The following ADAM19 variants were observed in gnomAD, a reference collection of about 807,000 sequenced individuals.
The protein encoded by ADAM19 is ADAM metallopeptidase domain 19.
A neutral mutation model predicts 114.7 loss-of-function variants in ADAM19; 65 were observed. The observed-to-expected ratio is 0.57, with a 90% CI of 0.46 to 0.70. ADAM19 has a LOEUF of 0.70. Ranked by LOEUF, ADAM19 falls within the 30% of genes least tolerant of loss-of-function variation. The pLI is 0.00. For synonymous variants in ADAM19, 466 were observed against 460.5 expected, an observed-to-expected ratio of 1.01 and a Z score of -0.15; for missense variants, 1,063 against 1,204.7, an observed-to-expected ratio of 0.88 and a Z score of 1.74.
At chr5:157,549,578 G>A (rs1460702675) in intron 3 of ADAM19, among the ~76,000 whole-genome samples, 1 of 152,128 alleles carries the variant, frequency 6.6e-6, no homozygotes, top group East Asian at 1.9e-4. Context: ...ATTAGGGAAG[G>A]CTCCCCTCTT....
chr5:157,511,760 C>T (rs745463741), intron 8 of ADAM19, among the ~76,000 whole-genome samples: 3 of 152,188 alleles, frequency 2.0e-5, no homozygotes, highest in Non-Finnish European at 4.4e-5. Context: ...GTAGCTAGGT[C>T]AGCAAGCTCC....
intron 1 of ADAM19, among the ~76,000 whole-genome samples, chr5:157,573,226 G>A (rs1453975551): frequency 6.6e-6 from 1 of 152,118 alleles, no homozygotes; most frequent in African/African-American, 2.4e-5. Context: ...GTTAAGAAAA[G>A]GTCTCCAAAA....
Position 157,519,924 on chromosome 5 carries a change from C to A in ADAM19, c.515G>T (p.Gly172Val). ...YRSEHLKPPP[G>V]NCGFEHSKPT... is the part of the protein sequence containing the mutation. ...CTTGGAGTGCTCGAACCCACAGTTTCCCGGGGGCGGCTTGAGATGTTCAGA... is the reference window on the plus strand; with the variant it reads ...CTTGGAGTGCTCGAACCCACAGTTTACCGGGGGCGGCTTGAGATGTTCAGA... The change falls in exon 6 of 23, where the codon GGA becomes GTA. Residue 172 changes from glycine (G) to valine (V), a missense_variant. This residue lies in a region of ADAM19 where 615 missense variants were observed against 706.3 expected (regional missense o/e 0.87). Coordinates refer to ENST00000257527, the MANE Select transcript of ADAM19 (RefSeq NM_033274.5). The A allele has an allele frequency of 6.2e-7, 1 of 1,614,074 alleles. No individual in the cohort carries two copies. Among genetic ancestry groups the A allele is most frequent in the South Asian group, 1.1e-5 (1 of 91,060 alleles).
At chr5:157,481,745 G>A in intron 22 of ADAM19, 46 bp downstream of exon 22, 1 of 1,553,490 alleles carries the variant, frequency 6.4e-7, no homozygotes, top group South Asian at 1.2e-5. Context: ...CCCCCCTGGA[G>A]CCCTCTGGTA....
rs35242691 is a variant in ADAM19 at position 157,488,326 on chromosome 5, G to A, written c.2489C>T (p.Ser830Leu). Reference sequence around the variant, plus strand: ...CCGGCTTGGAGGAGGCCTCCTGGACGACTCCGTCCTCTCTATTTGAGACCC... The same window carrying A: ...CCGGCTTGGAGGAGGCCTCCTGGACAACTCCGTCCTCTCTATTTGAGACCC... Reference protein sequence around the residue: ...GPGSQIERTESSRRPPPSRPI... With the variant: ...GPGSQIERTELSRRPPPSRPI... The change falls in exon 21 of 23, where the codon TCG becomes TTG. Residue 830 changes from serine to leucine, a missense_variant. Around this residue, in one of 3 missense-constraint regions of ADAM19, gnomAD observed 424 missense variants for 445.5 expected, o/e 0.95. Coordinates refer to ENST00000257527, the MANE Select transcript of ADAM19 (RefSeq NM_033274.5). The A allele has an allele frequency of 1.1e-5, 18 of 1,614,052 alleles. No individual in the cohort carries two copies. The highest frequency in any genetic ancestry group is 4.5e-5 in the East Asian group (2 of 44,894).
intron 3 of ADAM19, among the ~76,000 whole-genome samples, chr5:157,559,507 C>T (rs1369862161): frequency 6.6e-6 from 1 of 152,218 alleles, no homozygotes; most frequent in Non-Finnish European, 1.5e-5. Context: ...TTGAGCAATT[C>T]AGTGTGCCCT....
intron 3 of ADAM19, among the ~76,000 whole-genome samples, chr5:157,560,896 G>T (rs932393308): frequency 6.6e-6 from 1 of 152,204 alleles, no homozygotes; most frequent in Non-Finnish European, 1.5e-5. Flanking sequence ...CTTGAGCTTG[G>T]AATACAAACA....
intron 21 of ADAM19, among the ~76,000 whole-genome samples, chr5:157,483,637 A>T (rs11134768): frequency 5.9e-4 from 85 of 145,008 alleles, no homozygotes; most frequent in African/African-American, 2.0e-3. Flanking sequence ...TGAACATTCC[A>T]TTTTTTTTTT....
intron 21 of ADAM19, among the ~76,000 whole-genome samples, 179 bp downstream of exon 21, chr5:157,488,086 A>C (rs1051626789): frequency 6.6e-6 from 1 of 152,148 alleles, no homozygotes; most frequent in African/African-American, 2.4e-5. Flanking sequence ...CTTCTTAGAG[A>C]GTCTATTTCC....
intron 19 of ADAM19, 34 bp from the exon 20 acceptor site, chr5:157,489,220 G>A: frequency 1.3e-6 from 2 of 1,514,002 alleles, no homozygotes; most frequent in East Asian, 2.3e-5. Context: ...AAAAGAAAGG[G>A]GACGATGTTC....
chr5:157,502,316 G>A (rs1416252266), intron 12 of ADAM19, among the ~76,000 whole-genome samples: 1 of 152,202 alleles, frequency 6.6e-6, no homozygotes. Flanking sequence ...CACATAAACA[G>A]TTCCTCCTAG....
intron 3 of ADAM19, among the ~76,000 whole-genome samples, chr5:157,553,515 A>C (rs1324431301): frequency 6.6e-6 from 1 of 152,064 alleles, no homozygotes; most frequent in East Asian, 1.9e-4. Context: ...GTTGTTGTAT[A>C]AATGCAAAAT....
At chr5:157,496,818 A>G (rs775163782) in intron 14 of ADAM19, 76 bp downstream of exon 14, 16 of 1,380,694 alleles carry the variant, frequency 1.2e-5, no homozygotes, top group Admixed American at 3.3e-5. Context: ...AAGATTCCAA[A>G]CTACCCTGAG....
At position 157,488,408 on chromosome 5, in the gene ADAM19, G is replaced by A; in HGVS notation, c.2407C>T (p.Pro803Ser). The change falls in exon 21 of 23, where the codon CCA becomes TCA. Residue 803 changes from proline (P) to serine (S), a missense_variant. Physicochemically the swap from Pro to Ser is moderately conservative, Grantham distance 74. This residue lies in a region of ADAM19 where 424 missense variants were observed against 445.5 expected (regional missense o/e 0.95). Transcript: ENST00000257527. ...AGGTGAGCTGGCAGTGGTGCAGGTGGGGACCCACCACGCAGATAATCTGGA... is the reference window on the plus strand; with the variant it reads ...AGGTGAGCTGGCAGTGGTGCAGGTGAGGACCCACCACGCAGATAATCTGGA... ...PPPDYLRGGS[P>S]PAPLPAHLSR... is the part of the protein sequence containing the mutation. 1.2e-6 allele frequency: 2 copies of A among 1,613,982 alleles called. No individual in the cohort carries two copies. The highest frequency in any genetic ancestry group is 8.5e-7 in the Non-Finnish European group (1 of 1,179,952).
chr5:157,491,738 G>T lies in ADAM19; in HGVS notation c.1987-15C>A, dbSNP rs1182660696. On this transcript the variant is annotated splice_polypyrimidine_tract_variant and intron_variant, in intron 17 of 22. Transcript: ENST00000257527. ...TTGTTACAGACCTGGAGCAAAGAAA[G>T]GGCAGAGGCATCAGCACCCCAGAGA... 2 of 1,603,810 alleles carry T rather than the reference G, an allele frequency of 1.2e-6. No individual in the cohort carries two copies.
chr5:157,574,440 C>T (rs1757915715), intron 1 of ADAM19, among the ~76,000 whole-genome samples: 2 of 152,212 alleles, frequency 1.3e-5, no homozygotes, highest in Non-Finnish European at 2.9e-5. Flanking sequence ...AGGGCGGTTC[C>T]TTTGAGCCCT....
chr5:157,537,418 T>C (rs1291643457), intron 4 of ADAM19, among the ~76,000 whole-genome samples: 2 of 152,254 alleles, frequency 1.3e-5, no homozygotes, highest in Admixed American at 1.3e-4. Flanking sequence ...ATGTCCAATA[T>C]GAATATAGAA....
chr5:157,503,647 A>T (rs2113717001), intron 11 of ADAM19, among the ~76,000 whole-genome samples: 1 of 152,352 alleles, frequency 6.6e-6, no homozygotes, highest in East Asian at 1.9e-4. Flanking sequence ...AAGGGTTGTG[A>T]GTGTGTTACA....
rs1307752110 is a variant in ADAM19 at position 157,482,087 on chromosome 5, G to A, written c.2551-144C>T. ...TAGAAAGAAACTGTATGTATAATGT[G>A]TTTATATTCTCAAGAGGAAGTCAGG... On this transcript the variant is annotated intron_variant, in intron 21 of 22. Transcript: ENST00000257527. The A allele has an allele frequency of 1.5e-5, 10 of 670,800 alleles. No individual in the cohort carries two copies. The East Asian group carries it at 2.9e-4, about 20-fold the overall frequency. The allele number at this position is 670,800 out of a possible 1,614,324, so 41.6% of individuals were successfully genotyped here. A position where few individuals can be genotyped will look rare whatever the true frequency, so the allele number is the denominator to read the frequency against.
Sources: gnomAD v4.1 joint callset for allele counts (sites outside exome capture counted in the v4.1 genomes callset) on GRCh38, gnomAD v4.1.1 for gene constraint, gnomAD v4.1.1 regional missense constraint, MANE v1.5 for transcripts, NCBI Gene and HGNC (gene_info 2026-07-23, HGNC 2026-07-21) for gene names.